Variants in LARS2 observed in about 807,000 individuals in gnomAD.
LARS2 encodes the protein leucyl-tRNA synthetase 2, mitochondrial.
In LARS2, 81 loss-of-function variants were observed where a neutral mutation model predicts 116.6. The observed-to-expected ratio is 0.69, with a 90% confidence interval of 0.58 to 0.84. The LOEUF (loss-of-function observed/expected upper bound fraction) is 0.84, where lower values mean the gene tolerates loss of function less well. Among genes scored for constraint, LARS2 ranks in the 40% least tolerant of loss-of-function variants. The pLI, the probability that LARS2 is intolerant of heterozygous loss-of-function variation, is 0.00. For synonymous variants in LARS2, 396 were observed against 407.2 expected (o/e 0.97, Z 0.33); for missense variants, 968 against 1,114.5 (o/e 0.87, Z 1.87).
intron 7 of LARS2, among the ~76,000 whole-genome samples, chr3:45,450,180 T>TA (rs1237396673): frequency 6.6e-6 from 1 of 152,244 alleles, no homozygotes; most frequent in African/African-American, 2.4e-5. Flanking sequence ...ATACAGTGTG[T>TA]CATGATCAAA....
At chr3:45,499,516 G>A (rs1044702969) in intron 14 of LARS2, among the ~76,000 whole-genome samples, 1 of 152,160 alleles carries the variant, frequency 6.6e-6, no homozygotes, top group African/African-American at 2.4e-5. Context: ...TAGATACTTG[G>A]GAGGTTGAGG....
intron 6 of LARS2, among the ~76,000 whole-genome samples, chr3:45,425,897 T>C (rs1486792555): frequency 1.8e-5 from 1 of 56,180 alleles, no homozygotes; most frequent in Non-Finnish European, 6.2e-5. Context: ...TTATAAGCCT[T>C]TTTTTTTTTC....
At chr3:45,497,758 T>G (rs1378289127) in intron 14 of LARS2, among the ~76,000 whole-genome samples, 3 of 152,018 alleles carry the variant, frequency 2.0e-5, no homozygotes, top group African/African-American at 7.2e-5. Context: ...AATACAAAAA[T>G]TAGCTGGACA....
At chr3:45,443,588 TG>T (rs1698951501) in intron 6 of LARS2, among the ~76,000 whole-genome samples, 1 of 152,044 alleles carries the variant, frequency 6.6e-6, no homozygotes, top group African/African-American at 2.4e-5. Flanking sequence ...GTGCAGCAGA[TG>T]GGAATAAAAG....
chr3:45,505,444 G>T (rs980381139), intron 15 of LARS2, among the ~76,000 whole-genome samples: 1 of 151,872 alleles, frequency 6.6e-6, no homozygotes, highest in African/African-American at 2.4e-5. Flanking sequence ...CCAGCACTTT[G>T]GGAGACCAAG....
chr3:45,533,296 C>A (rs538601188), intron 20 of LARS2, among the ~76,000 whole-genome samples: 1 of 151,336 alleles, frequency 6.6e-6, no homozygotes, highest in Non-Finnish European at 1.5e-5. Context: ...GACTACAGGC[C>A]CCCGCCACCA....
intron 7 of LARS2, among the ~76,000 whole-genome samples, chr3:45,452,746 G>T (rs1422846253): frequency 6.6e-6 from 1 of 152,160 alleles, no homozygotes; most frequent in Non-Finnish European, 1.5e-5. Flanking sequence ...AGTTTGAGAA[G>T]AATGGGTATT....
At chr3:45,428,770 AG>A (rs1247919614) in intron 6 of LARS2, among the ~76,000 whole-genome samples, 1 of 152,228 alleles carries the variant, frequency 6.6e-6, no homozygotes, top group Non-Finnish European at 1.5e-5. Context: ...ACACTTAGAA[AG>A]GTTGAAAGAA....
intron 7 of LARS2, among the ~76,000 whole-genome samples, chr3:45,455,936 C>T (rs909562669): frequency 6.6e-6 from 1 of 151,910 alleles, no homozygotes; most frequent in African/African-American, 2.4e-5. Flanking sequence ...ATGTGGAATC[C>T]TAAAAAACAT....
chr3:45,475,606 A>G (rs1473443), intron 9 of LARS2, among the ~76,000 whole-genome samples: 123,105 of 152,226 alleles, frequency 0.81, 53,634 homozygotes, highest in East Asian at 0.98. Context: ...TATCTTCTAC[A>G]CTTTCTTCTT....
At chr3:45,402,406 C>T (rs1698169008) in intron 4 of LARS2, among the ~76,000 whole-genome samples, 2 of 152,192 alleles carry the variant, frequency 1.3e-5, no homozygotes, top group South Asian at 4.1e-4. Flanking sequence ...TCATGGTAAT[C>T]AGCAAACCTA....
rs762289663 is a variant in LARS2, at chr3:45,541,840, G to T, written c.2416G>T (p.Val806Leu). Residue 806 changes from valine (V) to leucine (L), a missense_variant, in exon 21 of 22, where the codon GTG becomes TTG. Val to Leu is a conservative substitution (Grantham distance 32, BLOSUM62 1). Transcript: ENST00000645846. Reference protein sequence around the residue: ...TSEIWAGLALVPRKLCAHYTW... With the variant: ...TSEIWAGLALLPRKLCAHYTW... ...CCTCGGCATTGCAGGCCTGGCGCTG[G>T]TGCCGAGGAAGCTCTGTGCCCACTA... The T allele has an allele frequency of 6.2e-7, 1 of 1,614,200 alleles. No individual in the cohort carries two copies. The highest frequency in any genetic ancestry group is 1.1e-5 in the South Asian group (1 of 91,082).
At chr3:45,533,535 C>T (rs1700653310) in intron 20 of LARS2, among the ~76,000 whole-genome samples, 1 of 152,198 alleles carries the variant, frequency 6.6e-6, no homozygotes, top group African/African-American at 2.4e-5. Context: ...TAAACTCACC[C>T]ACTCTCATCG....
At chr3:45,529,512 G>A (rs902450986) in intron 20 of LARS2, among the ~76,000 whole-genome samples, 7 of 149,112 alleles carry the variant, frequency 4.7e-5, no homozygotes, top group African/African-American at 1.7e-4. Context: ...TTGCGCCATT[G>A]CACTCCATCC....
chr3:45,450,890 T>A (rs1699116896), intron 7 of LARS2, among the ~76,000 whole-genome samples: 4 of 152,208 alleles, frequency 2.6e-5, no homozygotes, highest in Non-Finnish European at 1.5e-5. Context: ...TTTAACTGAG[T>A]GAAATTATGT....
chr3:45,470,769 C>T (rs553789025), intron 8 of LARS2, among the ~76,000 whole-genome samples: 67 of 151,896 alleles, frequency 4.4e-4, no homozygotes, highest in South Asian at 4.2e-3. Context: ...CCTTGGGAGT[C>T]GATAGGGAAG....
chr3:45,530,969 C>T (rs2125764033), intron 20 of LARS2, among the ~76,000 whole-genome samples: 1 of 152,294 alleles, frequency 6.6e-6, no homozygotes, highest in Admixed American at 6.5e-5. Flanking sequence ...AGGAAGGTTT[C>T]ACATCTTTAC....
chr3:45,395,449 A>C (rs17077759), intron 3 of LARS2, among the ~76,000 whole-genome samples: 28,162 of 152,268 alleles, frequency 0.18, 2,684 homozygotes, highest in Non-Finnish European at 0.21. Flanking sequence ...CTTGCTGGGA[A>C]TCAGTCTGGA....
At chr3:45,517,871 C>T (rs202001601) in intron 17 of LARS2, 32 bp from the exon 18 acceptor site, 17 of 1,586,952 alleles carry the variant, frequency 1.1e-5, no homozygotes, top group East Asian at 2.2e-5. Flanking sequence ...GTTGCACGCT[C>T]TCTCTTTCTC....
Sources: allele counts gnomAD v4.1 joint callset (sites outside exome capture counted in the v4.1 genomes callset), GRCh38; gene constraint gnomAD v4.1.1; transcripts MANE v1.5; gene names NCBI Gene and HGNC (gene_info 2026-07-23, HGNC 2026-07-21).